SLC35D4: variants seen among roughly 807,000 people sequenced by gnomAD.
SLC35D4 encodes the protein UDP-N-acetylglucosamine transporter SLC35D4.
At chr18:23,246,783 C>A in the SLC35D4 span, among the ~76,000 whole-genome samples, 1 of 151,844 alleles carries the variant, frequency 6.6e-6, no homozygotes, top group Admixed American at 6.5e-5. Flanking sequence ...TCTTCATCTC[C>A]CAGGTTCAAG....
the SLC35D4 span, among the ~76,000 whole-genome samples, chr18:23,347,403 C>CTT: frequency 1.3e-5 from 2 of 151,024 alleles, no homozygotes; most frequent in Non-Finnish European, 3.0e-5. Context: ...ATTTGCATCT[C>CTT]TCTCTCTCTC....
At chr18:23,327,292 T>G in the SLC35D4 span, among the ~76,000 whole-genome samples, 1 of 152,052 alleles carries the variant, frequency 6.6e-6, no homozygotes, top group Non-Finnish European at 1.5e-5. Context: ...ACAAAACTGA[T>G]AGACCACTAG....
the SLC35D4 span, among the ~76,000 whole-genome samples, chr18:23,276,232 C>T: frequency 3.3e-5 from 5 of 152,056 alleles, no homozygotes; most frequent in Admixed American, 6.5e-5. Context: ...GGACTACAGG[C>T]ACCCACCAAA....
chr18:23,271,113 T>A, the SLC35D4 span, among the ~76,000 whole-genome samples: 1 of 152,054 alleles, frequency 6.6e-6, no homozygotes, highest in African/African-American at 2.4e-5. Context: ...TGGGGGTAGG[T>A]TTTTCCCATG....
the SLC35D4 span, among the ~76,000 whole-genome samples, chr18:23,393,264 C>T: frequency 2.6e-5 from 4 of 151,732 alleles, no homozygotes; most frequent in Non-Finnish European, 4.4e-5. Flanking sequence ...CAAAAAGTTG[C>T]CACCTTAACC....
At chr18:23,367,724 T>A in the SLC35D4 span, among the ~76,000 whole-genome samples, 4 of 151,972 alleles carry the variant, frequency 2.6e-5, no homozygotes, top group Admixed American at 6.6e-5. Context: ...GTGGTGGGAC[T>A]ATGTTTGAAG....
At chr18:23,257,487 T>C in the SLC35D4 span, 2 of 1,159,412 alleles carry the variant, frequency 1.7e-6, no homozygotes, top group Non-Finnish European at 2.4e-6. Flanking sequence ...CCTCTCGACA[T>C]AGTTTGGGGA....
At chr18:23,393,964 G>A in the SLC35D4 span, among the ~76,000 whole-genome samples, 2 of 152,160 alleles carry the variant, frequency 1.3e-5, no homozygotes, top group African/African-American at 4.8e-5. Context: ...CCATCAATGG[G>A]CACTGAGATT....
the SLC35D4 span, among the ~76,000 whole-genome samples, chr18:23,435,852 T>C: frequency 6.7e-6 from 1 of 150,320 alleles, no homozygotes; most frequent in Non-Finnish European, 1.5e-5. Context: ...CCCACCACCA[T>C]GCCTGGCTAA....
the SLC35D4 span, chr18:23,309,562 G>T: frequency 2.5e-6 from 2 of 792,662 alleles, no homozygotes; most frequent in Non-Finnish European, 4.2e-6. Flanking sequence ...ATTTGCATTT[G>T]GATGGAGATA....
the SLC35D4 span, among the ~76,000 whole-genome samples, chr18:23,367,074 A>C: frequency 6.6e-6 from 1 of 152,190 alleles, no homozygotes; most frequent in African/African-American, 2.4e-5. Flanking sequence ...GATCACTCTC[A>C]TGGCAGGATA....
the SLC35D4 span, among the ~76,000 whole-genome samples, chr18:23,335,315 T>C: frequency 1.3e-5 from 2 of 152,174 alleles, no homozygotes; most frequent in African/African-American, 4.8e-5. Flanking sequence ...AAACTTAGCT[T>C]TCCCATAAAA....
At chr18:23,358,812 T>C in the SLC35D4 span, among the ~76,000 whole-genome samples, 3 of 152,160 alleles carry the variant, frequency 2.0e-5, no homozygotes, top group African/African-American at 4.8e-5. Flanking sequence ...GCTGGCTCTG[T>C]GGTCCTCAAT....
the SLC35D4 span, among the ~76,000 whole-genome samples, chr18:23,359,948 C>T: frequency 6.6e-6 from 1 of 152,234 alleles, no homozygotes; most frequent in Admixed American, 6.5e-5. Context: ...GGAGCAAACT[C>T]TGTGGTGGGG....
the SLC35D4 span, among the ~76,000 whole-genome samples, chr18:23,275,199 A>G: frequency 6.6e-6 from 1 of 151,760 alleles, no homozygotes; most frequent in Non-Finnish European, 1.5e-5. Context: ...GAACTTCGCA[A>G]TGTTCTGCCT....
chr18:23,293,489 A>C, the SLC35D4 span, among the ~76,000 whole-genome samples: 2 of 152,254 alleles, frequency 1.3e-5, no homozygotes, highest in Non-Finnish European at 2.9e-5. Context: ...AAGTCTTTGA[A>C]ACCAGTGTGT....
the SLC35D4 span, among the ~76,000 whole-genome samples, chr18:23,424,459 T>C: frequency 6.6e-6 from 1 of 152,190 alleles, no homozygotes; most frequent in African/African-American, 2.4e-5. Flanking sequence ...TAAGTCAAAA[T>C]TCCTGCCTTT....
At chr18:23,382,072 C>G in the SLC35D4 span, among the ~76,000 whole-genome samples, 2 of 151,818 alleles carry the variant, frequency 1.3e-5, no homozygotes, top group East Asian at 3.9e-4. Flanking sequence ...ACCCCCATCT[C>G]TACTAAAAAT....
chr18:23,357,698 C>T, the SLC35D4 span, among the ~76,000 whole-genome samples: 1 of 152,180 alleles, frequency 6.6e-6, no homozygotes, highest in African/African-American at 2.4e-5. Flanking sequence ...ACATGATGGG[C>T]TCCTATGCTT....
Sources: gnomAD v4.1 joint callset for allele counts (sites outside exome capture counted in the v4.1 genomes callset) on GRCh38, gnomAD v4.1.1 for gene constraint, MANE v1.5 for transcripts, NCBI Gene and HGNC (gene_info 2026-07-23, HGNC 2026-07-21) for gene names.